Variants in ABCC1 observed in about 807,000 individuals in gnomAD.
ABCC1 encodes multidrug resistance-associated protein 1.
In ABCC1, 83 loss-of-function variants were observed where a neutral mutation model predicts 172.9. That is an observed-to-expected ratio of 0.48 (90% confidence interval 0.40 to 0.58). The LOEUF (loss-of-function observed/expected upper bound fraction) is 0.58. Ranked by LOEUF, ABCC1 falls within the 20% of genes least tolerant of loss-of-function variation. The pLI, the probability that ABCC1 is intolerant of heterozygous loss-of-function variation, is 0.00. For missense variants in ABCC1, 1,817 were observed against 2,002.7 expected (o/e 0.91, Z 1.77); for synonymous variants, 937 against 825.2 (o/e 1.14, Z -2.32).
intron 1 of ABCC1, among the ~76,000 whole-genome samples, chr16:15,951,985 C>G (rs1033083988): frequency 2.6e-5 from 4 of 151,842 alleles, no homozygotes; most frequent in Admixed American, 6.6e-5. Context: ...CCTCTGTGCC[C>G]GGCTGTTTTT....
intron 27 of ABCC1, among the ~76,000 whole-genome samples, chr16:16,133,322 TTC>T (rs1244264253): frequency 6.6e-6 from 1 of 152,206 alleles, no homozygotes; most frequent in Admixed American, 6.5e-5. Flanking sequence ...AGCAGATAAT[TTC>T]TCTCTGAGTT....
intron 12 of ABCC1, among the ~76,000 whole-genome samples, chr16:16,065,772 C>G (rs1362261545): frequency 6.6e-6 from 1 of 152,146 alleles, no homozygotes; most frequent in Non-Finnish European, 1.5e-5. Context: ...GAGACACAGC[C>G]TTGCTTTTTT....
intron 5 of ABCC1, among the ~76,000 whole-genome samples, chr16:16,020,047 G>T (rs2048141170): frequency 6.6e-6 from 1 of 152,136 alleles, no homozygotes; most frequent in South Asian, 2.1e-4. Context: ...TCAGCCTCCT[G>T]AGTAACTGGG....
At chr16:16,029,611 T>C (rs924146100) in intron 5 of ABCC1, among the ~76,000 whole-genome samples, 1 of 152,260 alleles carries the variant, frequency 6.6e-6, no homozygotes, top group African/African-American at 2.4e-5. Flanking sequence ...TAAATGACTT[T>C]TTATTTCGCA....
intron 18 of ABCC1, among the ~76,000 whole-genome samples, chr16:16,089,336 C>G (rs1803688590): frequency 6.6e-6 from 1 of 152,014 alleles, no homozygotes; most frequent in Admixed American, 6.6e-5. Flanking sequence ...CGCTTCAGTT[C>G]AGGAGTTCAA....
At chr16:16,104,209 T>G (rs1472274383) in intron 20 of ABCC1, among the ~76,000 whole-genome samples, 4 of 152,120 alleles carry the variant, frequency 2.6e-5, no homozygotes, top group African/African-American at 9.7e-5. Context: ...TTCCACAGTT[T>G]GGAAGGGTAC....
chr16:16,087,053 G>T, intron 18 of ABCC1, 62 bp downstream of exon 18: 7 of 1,580,872 alleles, frequency 4.4e-6, no homozygotes, highest in African/African-American at 1.3e-5. Flanking sequence ...AAGTCAGAAC[G>T]TGTCCCCTTT....
At position 16,045,930 on chromosome 16, in the gene ABCC1, C is replaced by G; in HGVS notation, c.1135C>G (p.Leu379Val). 6.2e-7 allele frequency: 1 copy of G among 1,614,162 alleles called. No individual in the cohort carries two copies. The highest frequency in any genetic ancestry group is 8.5e-7 in the Non-Finnish European group (1 of 1,180,026). The change falls in exon 9 of 31, where the codon CTC becomes GTC. Residue 379 changes from leucine (L) to valine (V), a missense_variant. By Grantham distance (32) the Leu-to-Val change is conservative. Coordinates refer to ENST00000399410, the MANE Select transcript of ABCC1 (RefSeq NM_004996.4). Reference protein sequence around the residue: ...LLFVTACLQTLVLHQYFHICF... With the variant: ...LLFVTACLQTVVLHQYFHICF... ...GTTTGTCACTGCCTGCCTGCAGACC[C>G]TCGTGCTGCACCAGTACTTCCACAT...
chr16:16,126,276 A>G (rs1318180984), intron 26 of ABCC1, among the ~76,000 whole-genome samples: 3 of 152,206 alleles, frequency 2.0e-5, no homozygotes, highest in Non-Finnish European at 4.4e-5. Flanking sequence ...CACCTTAGCA[A>G]TTGAGATGAT....
chr16:15,984,062 T>C (rs1219156848), intron 1 of ABCC1, among the ~76,000 whole-genome samples: 1 of 152,214 alleles, frequency 6.6e-6, no homozygotes, highest in Non-Finnish European at 1.5e-5. Context: ...TTTAGCTTAA[T>C]AAGCAGTTTC....
chr16:16,103,831 GTGGGTC>G (rs1250511858), intron 20 of ABCC1, among the ~76,000 whole-genome samples: 1 of 152,196 alleles, frequency 6.6e-6, no homozygotes, highest in Non-Finnish European at 1.5e-5. Context: ...TCCGGAATTG[GTGGGTC>G]TTGGTCTCAC....
chr16:16,096,795 A>G (rs971038100), intron 19 of ABCC1, among the ~76,000 whole-genome samples: 1 of 152,182 alleles, frequency 6.6e-6, no homozygotes, highest in Non-Finnish European at 1.5e-5. Context: ...CCGGGGCAGC[A>G]CTTAACGTAC....
At chr16:16,010,036 C>CATTTTTTTTT in intron 3 of ABCC1, 135 bp downstream of exon 3, 1 of 116,698 alleles carries the variant, frequency 8.6e-6, no homozygotes, top group Non-Finnish European at 1.3e-5. Flanking sequence ...TTAAATGTAG[C>CATTTTTTTTT]CTTTTTTTTT....
Position 16,141,074 on chromosome 16 carries a change from G to A in ABCC1, c.4488-99G>A. 1.1e-5 allele frequency: 11 copies of A among 983,998 alleles called. No individual in the cohort carries two copies. The South Asian group carries it at 1.3e-4, about 11-fold the overall frequency. The allele number at this position is 983,998 out of a possible 1,614,324, so 61.0% of individuals were successfully genotyped here. A position where few individuals can be genotyped will look rare whatever the true frequency, so the allele number is the denominator to read the frequency against. On this transcript the variant is annotated intron_variant, in intron 30 of 30. Coordinates refer to ENST00000399410, the MANE Select transcript of ABCC1 (RefSeq NM_004996.4). ...CCAGTCCTAGCAAAAAGTGTTAGGG[G>A]CCTGACCCGAAGCAGTGACTTGCCC...
At position 16,008,055 on chromosome 16, in the gene ABCC1, T is replaced by C. The variant is rs45482893; in HGVS notation, c.225+63T>C. ...GGTGCACCTGGACGGGGAGTGGTGG[T>C]TGGTGATAACTGACATTTCTCTTCT... On this transcript the variant is annotated intron_variant, in intron 2 of 30. Transcript: ENST00000399410. 1.7e-4 allele frequency: 254 copies of C among 1,458,920 alleles called. No individual in the cohort carries two copies. The African/African-American group carries it at 3.1e-3, about 18-fold the overall frequency. 90.4% of individuals were successfully genotyped at this position (1,458,920 alleles called of 1,614,324 possible).
Position 16,036,751 on chromosome 16 carries a change from A to G in ABCC1, c.809+148A>G, listed in dbSNP as rs553898057. The G allele has an allele frequency of 4.0e-5, 33 of 833,260 alleles. No homozygotes were observed. In the African/African-American group the frequency reaches 4.6e-4, roughly 12 times the overall value. 51.6% of individuals were successfully genotyped at this position (833,260 alleles called of 1,614,324 possible). ...ATGCCTCACTTCTCCTCCTGGCCTC[A>G]GTTTGCTTTTCTGCCAAATGGGGTA... On this transcript the variant is annotated intron_variant, in intron 7 of 30. Transcript: ENST00000399410.
At chr16:15,952,315 A>C (rs1445975940) in intron 1 of ABCC1, among the ~76,000 whole-genome samples, 2 of 151,996 alleles carry the variant, frequency 1.3e-5, no homozygotes, top group Admixed American at 6.6e-5. Context: ...CAGCTGGTGG[A>C]GATGGGATTG....
At chr16:16,040,433 A>G (rs948249621) in intron 7 of ABCC1, among the ~76,000 whole-genome samples, 11 of 151,516 alleles carry the variant, frequency 7.3e-5, no homozygotes, top group African/African-American at 1.9e-4. Context: ...GATTACAGGA[A>G]TGTACCACCA....
At chr16:15,971,466 C>A (rs748801873) in intron 1 of ABCC1, among the ~76,000 whole-genome samples, 2 of 152,182 alleles carry the variant, frequency 1.3e-5, no homozygotes, top group Non-Finnish European at 2.9e-5. Flanking sequence ...GAAACTTTTC[C>A]GGAGTTGCTT....
Sources: gnomAD v4.1 joint callset for allele counts (sites outside exome capture counted in the v4.1 genomes callset) on GRCh38, gnomAD v4.1.1 for gene constraint, MANE v1.5 for transcripts, NCBI Gene and HGNC (gene_info 2026-07-23, HGNC 2026-07-21) for gene names.